CD8B2: variants seen among roughly 807,000 people sequenced by gnomAD.
The protein encoded by CD8B2 is T-cell surface glycoprotein CD8 beta-2 chain.
Under a neutral mutation model 23.7 loss-of-function variants are expected in CD8B2, and 11 were observed. The ratio of observed to expected loss-of-function variants is 0.46; its 90% confidence interval spans 0.29 to 0.77. The LOEUF (loss-of-function observed/expected upper bound fraction) is 0.77, where lower values mean the gene tolerates loss of function less well. Ranked by LOEUF, CD8B2 falls within the 30% of genes least tolerant of loss-of-function variation. The pLI, the probability that CD8B2 is intolerant of heterozygous loss-of-function variation, is 0.09. For missense variants in CD8B2, 197 were observed against 270.5 expected (o/e 0.73, Z 1.91); for synonymous variants, 90 against 109.3 (o/e 0.82, Z 1.10).
intron 5 of CD8B2, among the ~76,000 whole-genome samples, chr2:106,519,257 A>T (rs1239370097): frequency 6.6e-6 from 1 of 152,194 alleles, no homozygotes; most frequent in Non-Finnish European, 1.5e-5. Flanking sequence ...GCTCAGATTT[A>T]TTCATCTCTC....
At chr2:106,487,508 C>T (rs868253416) in intron 1 of CD8B2, 39 bp downstream of exon 1, 14 of 1,174,462 alleles carry the variant, frequency 1.2e-5, no homozygotes, top group Middle Eastern at 6.4e-4. Context: ...GGTCTGCGCT[C>T]CCGGGGCCTG....
chr2:106,500,469 A>C lies in CD8B2; in HGVS notation c.494-2005A>C, dbSNP rs191556637. On this transcript the variant is annotated intron_variant, in intron 3 of 5. Coordinates refer to ENST00000643224, the MANE Select transcript of CD8B2 (RefSeq NM_001349727.2). ...AGGAGGCAGAGGTTGCGGTGAGCCC[A>C]GATCTCGCCATTGCACTCCAGCCTG... is the stretch of plus-strand genomic sequence containing the variant. Among the ~76,000 whole-genome samples the C allele has an allele frequency of 9.9e-3, 1,499 of 151,806 alleles. 16 individuals are homozygous for C. The highest frequency in any genetic ancestry group is 0.034 in the African/African-American group (1,396 of 41,406).
Position 106,490,985 on chromosome 2 carries a change from T to C in CD8B2, c.155T>C (p.Ile52Thr). The C allele has an allele frequency of 6.2e-7, 1 of 1,613,962 alleles. No homozygotes were observed. Among genetic ancestry groups the C allele is most frequent in the Non-Finnish European group, 8.5e-7 (1 of 1,179,856 alleles). ...AAAATCTCCCTCAGTAACATGTGCA[T>C]CTACTGGCTGAGACAGCGCCAGGCC... ...EAKISLSNMC[I>T]YWLRQRQAPS... The change falls in exon 2 of 6, where the codon ATC becomes ACC. Residue 52 changes from isoleucine to threonine, a missense_variant. Physicochemically the swap from Ile to Thr is moderately conservative, Grantham distance 89. This residue lies in a region of CD8B2 where 140 missense variants were observed against 164.2 expected (regional missense o/e 0.85). Transcript: ENST00000643224.
intron 5 of CD8B2, among the ~76,000 whole-genome samples, chr2:106,532,467 T>C (rs1180384818): frequency 6.6e-6 from 1 of 152,130 alleles, no homozygotes; most frequent in African/African-American, 2.4e-5. Context: ...GGCGAGTCCA[T>C]ATAGTAAAGT....
intron 5 of CD8B2, among the ~76,000 whole-genome samples, chr2:106,516,110 G>A (rs762667604): frequency 1.3e-5 from 2 of 152,046 alleles, no homozygotes; most frequent in East Asian, 1.9e-4. Flanking sequence ...GATTACAGGC[G>A]TGAGCCACTG....
intron 5 of CD8B2, among the ~76,000 whole-genome samples, chr2:106,542,808 T>C (rs1228871369): frequency 1.3e-5 from 2 of 151,802 alleles, no homozygotes; most frequent in Admixed American, 1.3e-4. Flanking sequence ...CATATGTATA[T>C]GTACGTATGT....
intron 3 of CD8B2, among the ~76,000 whole-genome samples, chr2:106,501,548 G>A (rs1454755496): frequency 6.6e-6 from 1 of 152,058 alleles, no homozygotes; most frequent in Non-Finnish European, 1.5e-5. Context: ...CAGGCATGAC[G>A]GCGGACGCCT....
chr2:106,489,570 G>A (rs1679152567), intron 1 of CD8B2, among the ~76,000 whole-genome samples: 1 of 152,168 alleles, frequency 6.6e-6, no homozygotes, highest in South Asian at 2.1e-4. Context: ...GGCCTGCAAT[G>A]TCTCCCTTTG....
At chr2:106,536,030 C>CTTT (rs869103310) in intron 5 of CD8B2, among the ~76,000 whole-genome samples, 4 of 123,890 alleles carry the variant, frequency 3.2e-5, no homozygotes, top group Non-Finnish European at 5.1e-5. Context: ...GCCACACACA[C>CTTT]TTTTTTTTTT....
In CD8B2 at chr2:106,491,099, T is replaced by C. The variant is rs1573327647; in HGVS notation, c.269T>C (p.Ile90Thr). Residue 90 changes from isoleucine (I) to threonine (T), a missense_variant, in exon 2 of 6, where the codon ATA becomes ACA. Around this residue, in one of 3 missense-constraint regions of CD8B2, gnomAD observed 140 missense variants for 164.2 expected, o/e 0.85. Transcript: ENST00000643224. ...GGTGAAGAGGTGGAACAGGAGAAGA[T>C]AGCTGTGTTTCGGGATGCAAGCCGG... is the stretch of plus-strand genomic sequence containing the variant. ...IHGEEVEQEK[I>T]AVFRDASRFI... is the part of the protein sequence containing the mutation. The C allele has an allele frequency of 3.1e-6, 5 of 1,613,798 alleles. No homozygotes were observed. Among genetic ancestry groups the C allele is most frequent in the Admixed American group, 1.7e-5 (1 of 60,004 alleles).
intron 3 of CD8B2, 47 bp downstream of exon 3, chr2:106,496,309 C>A: frequency 8.0e-7 from 1 of 1,251,260 alleles, no homozygotes; most frequent in Non-Finnish European, 1.1e-6. Context: ...GCAGACATCC[C>A]CTTGCCCTCC....
At chr2:106,525,582 C>T (rs1328685010) in intron 5 of CD8B2, among the ~76,000 whole-genome samples, 6 of 152,298 alleles carry the variant, frequency 3.9e-5, no homozygotes, top group South Asian at 4.1e-4. Flanking sequence ...ACCACGTTTT[C>T]GTCACCCCCA....
At chr2:106,516,243 G>T (rs957788824) in intron 5 of CD8B2, among the ~76,000 whole-genome samples, 1 of 152,100 alleles carries the variant, frequency 6.6e-6, no homozygotes, top group Admixed American at 6.6e-5. Flanking sequence ...GCACCAGGGG[G>T]ACATCCACAG....
chr2:106,520,614 G>A (rs1274408470), intron 5 of CD8B2, among the ~76,000 whole-genome samples: 4 of 152,150 alleles, frequency 2.6e-5, no homozygotes, highest in African/African-American at 4.8e-5. Flanking sequence ...GGATTAGGCC[G>A]GGCATGGTGG....
At chr2:106,526,885 G>T (rs1334496275) in intron 5 of CD8B2, among the ~76,000 whole-genome samples, 1 of 152,194 alleles carries the variant, frequency 6.6e-6, no homozygotes, top group Admixed American at 6.5e-5. Context: ...CAGGTCATCT[G>T]CCTGCCTCGG....
intron 5 of CD8B2, among the ~76,000 whole-genome samples, chr2:106,536,345 A>G (rs1018140938): frequency 6.6e-5 from 10 of 152,136 alleles, no homozygotes; most frequent in African/African-American, 2.4e-4. Flanking sequence ...ACACACTTTT[A>G]AACAACTAGA....
downstream of CD8B2, among the ~76,000 whole-genome samples, chr2:106,514,263 G>C (rs1404904516): frequency 6.7e-6 from 1 of 149,802 alleles, no homozygotes; most frequent in African/African-American, 2.5e-5. Flanking sequence ...GATTTGGTGG[G>C]GTGGGTGCAG....
chr2:106,514,510 A>C (rs1679694868), downstream of CD8B2, among the ~76,000 whole-genome samples: 1 of 151,670 alleles, frequency 6.6e-6, no homozygotes, highest in Admixed American at 6.6e-5. Context: ...GCTGGTCTCG[A>C]ACTCCTGACC....
rs1453427957 is a variant in CD8B2, at chr2:106,507,574, C to G, written c.*634C>G. ...TTAAGTTTCTCAGCTCCCATTTCTA[C>G]TCTCCCATGGCTTAATGCTTCTTTC... On this transcript the variant is annotated 3_prime_UTR_variant, in exon 6 of 6. Transcript: ENST00000643224. 2 of 973,198 alleles carry G rather than the reference C, an allele frequency of 2.1e-6. No homozygotes were observed. Among genetic ancestry groups the G allele is most frequent in the African/African-American group, 3.5e-5 (2 of 56,986 alleles). 60.3% of individuals were successfully genotyped at this position (973,198 alleles called of 1,614,324 possible). A position where few individuals can be genotyped will look rare whatever the true frequency, so the allele number is the denominator to read the frequency against.
Sources: gnomAD v4.1 joint callset for allele counts (sites outside exome capture counted in the v4.1 genomes callset) on GRCh38, gnomAD v4.1.1 for gene constraint, gnomAD v4.1.1 regional missense constraint, MANE v1.5 for transcripts, NCBI Gene and HGNC (gene_info 2026-07-23, HGNC 2026-07-21) for gene names.